GRAMD1B: variants seen among roughly 807,000 people sequenced by gnomAD.
The protein encoded by GRAMD1B is GRAM domain containing 1B, also known as protein Aster-B.
In GRAMD1B, 37 loss-of-function variants were observed where a neutral mutation model predicts 99.7. The observed-to-expected ratio is 0.37, with a 90% CI of 0.29 to 0.49. The LOEUF is 0.49. GRAMD1B is among the 20% of genes least tolerant of loss of function. GRAMD1B has a pLI of 0.98. For missense variants in GRAMD1B, 888 were observed against 1,009.2 expected (o/e 0.88, Z 1.63); for synonymous variants, 427 against 387.6 (o/e 1.10, Z -1.19).
chr11:123,490,386 A>G (rs1488812611), intron 2 of GRAMD1B, among the ~76,000 whole-genome samples: 1 of 152,190 alleles, frequency 6.6e-6, no homozygotes, highest in Non-Finnish European at 1.5e-5. Context: ...AGAATAGTCA[A>G]AAGGGTCTTG....
At chr11:123,413,866 G>T (rs1948136637) in intron 1 of GRAMD1B, among the ~76,000 whole-genome samples, 2 of 152,162 alleles carry the variant, frequency 1.3e-5, no homozygotes, top group Admixed American at 1.3e-4. Flanking sequence ...TTAGTAGTCA[G>T]ATAGGACTGT....
Position 123,537,705 on chromosome 11 carries a change from G to T in GRAMD1B, c.453-39662G>T, listed in dbSNP as rs1305788798. ...AACAAGCAAAACACATTTGTACCTT[G>T]TGGGGCCTATGAGTAATAGGAGCCA... On this transcript the variant is annotated intron_variant, in intron 2 of 19. Transcript: ENST00000635736. Among the ~76,000 whole-genome samples the T allele has an allele frequency of 3.9e-5, 6 of 152,184 alleles. No individual in the cohort carries two copies. In the South Asian group the frequency reaches 6.2e-4, roughly 16 times the overall value.
intron 14 of GRAMD1B, among the ~76,000 whole-genome samples, chr11:123,612,250 G>C (rs1953699541): frequency 6.6e-6 from 1 of 152,040 alleles, no homozygotes; most frequent in African/African-American, 2.4e-5. Context: ...TAGAGATGGG[G>C]GTCTCACTCT....
At chr11:123,603,700 G>T (rs1709901) in intron 9 of GRAMD1B, among the ~76,000 whole-genome samples, 159 bp downstream of exon 9, 15,662 of 152,302 alleles carry the variant, frequency 0.1, 1,022 homozygotes, top group East Asian at 0.23. Flanking sequence ...GGGAGCTCGA[G>T]GGGGCAGAGC....
chr11:123,553,273 T>C (rs918069577), intron 2 of GRAMD1B, among the ~76,000 whole-genome samples: 2 of 152,202 alleles, frequency 1.3e-5, no homozygotes, highest in Admixed American at 1.3e-4. Context: ...GAGCCAGTTA[T>C]TCTATTTGGA....
intron 1 of GRAMD1B, among the ~76,000 whole-genome samples, chr11:123,452,175 A>C (rs1949916917): frequency 6.6e-6 from 1 of 152,172 alleles, no homozygotes; most frequent in Non-Finnish European, 1.5e-5. Context: ...CAGTCAGTGC[A>C]AGTAATTGTG....
intron 2 of GRAMD1B, among the ~76,000 whole-genome samples, chr11:123,563,202 C>T (rs774571635): frequency 1.3e-5 from 2 of 152,234 alleles, no homozygotes; most frequent in South Asian, 2.1e-4. Context: ...TAGGATAGGA[C>T]CTCTGGTAGG....
rs371995087 is a variant in GRAMD1B at position 123,591,713 on chromosome 11, G to T, written c.685-2369G>T. Reference sequence around the variant, plus strand: ...GCCCCGCCTTTGGGGGTGGAGGAGGGAGAGGGCTGGGGTCCCTGGCTTCGA... The same window carrying T: ...GCCCCGCCTTTGGGGGTGGAGGAGGTAGAGGGCTGGGGTCCCTGGCTTCGA... On this transcript the variant is annotated intron_variant, in intron 4 of 19. Coordinates refer to ENST00000635736, the MANE Select transcript of GRAMD1B (RefSeq NM_001387025.1). This position sits in a 1 kb window ranked among gnomAD's most constrained non-coding sequence, Gnocchi z 4.7. Among the ~76,000 whole-genome samples the T allele has an allele frequency of 6.6e-6, 1 of 152,226 alleles. No homozygotes were observed. The highest frequency in any genetic ancestry group is 2.4e-5 in the African/African-American group (1 of 41,456).
intron 6 of GRAMD1B, among the ~76,000 whole-genome samples, chr11:123,595,631 T>G (rs925727854): frequency 6.6e-6 from 1 of 152,138 alleles, no homozygotes; most frequent in Non-Finnish European, 1.5e-5. Context: ...TGCACCAATA[T>G]TCTGTGTTTC....
intron 1 of GRAMD1B, among the ~76,000 whole-genome samples, chr11:123,421,623 A>G (rs943130157): frequency 3.3e-5 from 5 of 152,234 alleles, no homozygotes; most frequent in African/African-American, 9.6e-5. Context: ...TGTCACCTGA[A>G]GAAGGTGATA....
chr11:123,389,228 C>CA (rs1350389778), intron 1 of GRAMD1B, among the ~76,000 whole-genome samples: 7 of 151,810 alleles, frequency 4.6e-5, no homozygotes, highest in Non-Finnish European at 8.8e-5. Context: ...ACTAAAAATA[C>CA]AAAAAATTAG....
intron 1 of GRAMD1B, among the ~76,000 whole-genome samples, chr11:123,408,245 T>C (rs1947922823): frequency 6.6e-6 from 1 of 152,210 alleles, no homozygotes; most frequent in Admixed American, 6.5e-5. Context: ...ACTCTACGAC[T>C]GTCACACAAT....
chr11:123,599,469 C>T lies in GRAMD1B; in HGVS notation c.970-999C>T, dbSNP rs541897702. The T allele has an allele frequency of 1.3e-4, 78 of 606,174 alleles. 1 individual carries two copies. The African/African-American group carries it at 1.3e-3, about 10-fold the overall frequency. 37.5% of individuals were successfully genotyped at this position (606,174 alleles called of 1,614,324 possible). On this transcript the variant is annotated intron_variant, in intron 7 of 19. Transcript: ENST00000635736. ...TGTCTCCATCTTCCCTTCACCACGG[C>T]CTCTCGTTGTTGCTGTTTTTTGAGG...
rs34697633 is a variant in GRAMD1B, at chr11:123,625,973, A to AGAGAGAGAGATCGAGAGAGATC, written c.*3386_*3387insGATCGAGAGAGATCGAGAGAGA. On this transcript the variant is annotated 3_prime_UTR_variant, in exon 20 of 20. Transcript: ENST00000635736. The stretch of plus-strand genomic sequence containing the variant: ...GAGAGAGAGAGAGAGAGAGAGAGAG[A>AGAGAGAGAGATCGAGAGAGATC]GAGAGAGATCGAGCTTGATGTATTG... 7.2e-6 allele frequency: 1 copy of AGAGAGAGAGATCGAGAGAGATC among 139,748 alleles called. No homozygotes were observed. The highest frequency in any genetic ancestry group is 1.6e-5 in the Non-Finnish European group (1 of 63,912). 8.7% of individuals were successfully genotyped at this position (139,748 alleles called of 1,614,324 possible).
chr11:123,490,006 G>A (rs889779142), intron 2 of GRAMD1B, among the ~76,000 whole-genome samples: 16 of 152,094 alleles, frequency 1.1e-4, no homozygotes, highest in Admixed American at 3.9e-4. Flanking sequence ...GCGAAACCTC[G>A]TCTCTGCAAA....
At chr11:123,608,399 G>A (rs1252982703) in intron 11 of GRAMD1B, 11 of 1,090,118 alleles carry the variant, frequency 1.0e-5, no homozygotes, top group African/African-American at 3.1e-5. Flanking sequence ...AAAGCAAATC[G>A]TACATTCCCA....
At chr11:123,434,246 A>C (rs1236964129) in intron 1 of GRAMD1B, among the ~76,000 whole-genome samples, 2 of 150,754 alleles carry the variant, frequency 1.3e-5, no homozygotes, top group Admixed American at 1.3e-4. Flanking sequence ...AAAAAAAAAA[A>C]AAAAAAAACC....
chr11:123,599,124 A>C (rs868338523), intron 7 of GRAMD1B: 1 of 833,726 alleles, frequency 1.2e-6, no homozygotes, highest in Middle Eastern at 2.8e-4. Flanking sequence ...GAGCTCCTCA[A>C]ATTCCACTGA....
intron 1 of GRAMD1B, among the ~76,000 whole-genome samples, chr11:123,456,529 C>T (rs1950127720): frequency 6.6e-6 from 1 of 152,114 alleles, no homozygotes; most frequent in Admixed American, 6.5e-5. Context: ...AATCCCAGCA[C>T]TTTGGGAGGC....
Sources: gnomAD v4.1 joint callset for allele counts (sites outside exome capture counted in the v4.1 genomes callset) on GRCh38, gnomAD v4.1.1 for gene constraint, Gnocchi (gnomAD v3.1) non-coding constraint, MANE v1.5 for transcripts, NCBI Gene and HGNC (gene_info 2026-07-23, HGNC 2026-07-21) for gene names.